The following NRP2 variants were observed in gnomAD, a reference collection of about 807,000 sequenced individuals.
NRP2 encodes neuropilin 2.
A neutral mutation model predicts 110.4 loss-of-function variants in NRP2; 52 were observed. The ratio of observed to expected loss-of-function variants is 0.47; its 90% CI spans 0.38 to 0.59. The LOEUF (loss-of-function observed/expected upper bound fraction) is 0.59, where lower values mean the gene tolerates loss of function less well. NRP2 is among the 20% of genes least tolerant of loss of function. The probability of loss-of-function intolerance (pLI) is 0.00; values close to 1 mark genes in which losing one functional copy is unlikely to be tolerated. For synonymous variants in NRP2, 508 were observed against 468.9 expected (o/e 1.08, Z -1.08); for missense variants, 1,049 against 1,203.0 (o/e 0.87, Z 1.89).
At chr2:205,711,911 T>A (rs2056806244) in intron 2 of NRP2, among the ~76,000 whole-genome samples, 1 of 152,152 alleles carries the variant, frequency 6.6e-6, no homozygotes, top group Non-Finnish European at 1.5e-5. Context: ...CTGGGAAGTG[T>A]CAAGCGTGGA....
chr2:205,767,592 G>T, intron 15 of NRP2: 1 of 307,906 alleles, frequency 3.2e-6, no homozygotes, highest in Non-Finnish European at 6.4e-6. Context: ...AAAAAAAAAA[G>T]GCCTCCAGCC....
At chr2:205,783,055 C>T (rs954860114) in intron 15 of NRP2, among the ~76,000 whole-genome samples, 2 of 152,120 alleles carry the variant, frequency 1.3e-5, no homozygotes, top group East Asian at 1.9e-4. Flanking sequence ...AACTAGTGGA[C>T]GTCCTGGCTG....
chr2:205,759,745 TC>T (rs2057791786), intron 12 of NRP2: 1 of 152,202 alleles, frequency 6.6e-6, no homozygotes, highest in East Asian at 1.9e-4. Context: ...GGTCTTTCTA[TC>T]CTTTTTGTTT....
chr2:205,725,939 A>G lies in NRP2; in HGVS notation c.847A>G (p.Met283Val), dbSNP rs778153724. 3.7e-6 allele frequency: 6 copies of G among 1,614,188 alleles called. No homozygotes were observed. The East Asian group carries it at 8.9e-5, about 24-fold the overall frequency. The change falls in exon 6 of 17, where the codon ATG (methionine) becomes GTG (valine). Residue 283 changes from methionine (M) to valine (V), a missense_variant. Coordinates refer to ENST00000357785, the MANE Select transcript of NRP2 (RefSeq NM_003872.3). The surrounding 1 kb of genome is among the most constrained non-coding windows in gnomAD (Gnocchi z 4.1). The part of the protein sequence containing the change: ...ENFQCNVPLG[M>V]ESGRIANEQI... The stretch of plus-strand genomic sequence containing the variant: ...CTTTCAGTGCAATGTTCCTCTGGGC[A>G]TGGAGTCTGGCCGGATTGCTAATGA...
intron 10 of NRP2, among the ~76,000 whole-genome samples, chr2:205,749,287 T>C (rs1270525705): frequency 6.6e-6 from 1 of 152,222 alleles, no homozygotes; most frequent in African/African-American, 2.4e-5. Context: ...TGCCACACCC[T>C]GACCTAAAGA....
Position 205,733,384 on chromosome 2 carries a change from G to A in NRP2, c.1146+5338G>A, listed in dbSNP as rs533198978. Among the ~76,000 whole-genome samples the A allele has an allele frequency of 6.6e-5, 10 of 152,282 alleles. No homozygotes were observed. In the South Asian group the frequency reaches 1.2e-3, roughly 19 times the overall value. ...GCACACAGAGGGGATGTGGAAGGGCGCTGTGATTCTGCTTGGGCTGTGGAA... is the reference window on the plus strand; with the variant it reads ...GCACACAGAGGGGATGTGGAAGGGCACTGTGATTCTGCTTGGGCTGTGGAA... On this transcript the variant is annotated intron_variant, in intron 7 of 16. Coordinates refer to ENST00000357785, the MANE Select transcript of NRP2 (RefSeq NM_003872.3).
At chr2:205,741,335 G>T (rs904736760) in intron 8 of NRP2, among the ~76,000 whole-genome samples, 2 of 152,216 alleles carry the variant, frequency 1.3e-5, no homozygotes, top group African/African-American at 2.4e-5. Flanking sequence ...GATGATTGAG[G>T]TGAGGTTAGA....
chr2:205,747,178 T>A (rs1433383527), intron 10 of NRP2, among the ~76,000 whole-genome samples: 1 of 152,166 alleles, frequency 6.6e-6, no homozygotes. Flanking sequence ...CAATTTAAAA[T>A]AATTTTCCTT....
chr2:205,716,457 G>C (rs2056898082), intron 3 of NRP2, 83 bp downstream of exon 3: 1 of 1,432,930 alleles, frequency 7.0e-7, no homozygotes, highest in African/African-American at 1.4e-5. Context: ...TGAGGCACTG[G>C]GTAAGGGTGA....
rs182060947 is a variant in NRP2 at position 205,743,433 on chromosome 2, G to A, written c.1522G>A (p.Gly508Arg). 298 of 1,614,220 alleles carry A rather than the reference G, an allele frequency of 1.8e-4. 2 individuals carry two copies. Among genetic ancestry groups the A allele is most frequent in the South Asian group, 1.7e-3 (154 of 91,072 alleles). Residue 508 changes from glycine to arginine, a missense_variant, in exon 9 of 17, where the codon GGA (glycine) becomes AGA (arginine). By Grantham distance (125) the Gly-to-Arg change is moderately radical. Transcript: ENST00000357785. ...AGGTGTCATCATCCAGGGAGCCCGC[G>A]GAGGAGACAGTATCACTGCTGTGGA... ...VKGVIIQGAR[G>R]GDSITAVEAR... is the part of the protein sequence containing the mutation.
In NRP2 at chr2:205,725,539, T is replaced by C. The variant is rs1003663575; in HGVS notation, c.821-374T>C. Among the ~76,000 whole-genome samples, 1 of 152,230 alleles carries C rather than the reference T, an allele frequency of 6.6e-6. No homozygotes were observed. The highest frequency in any genetic ancestry group is 1.5e-5 in the Non-Finnish European group (1 of 68,044). On this transcript the variant is annotated intron_variant, in intron 5 of 16. Transcript: ENST00000357785. This position sits in a 1 kb window ranked among gnomAD's most constrained non-coding sequence, Gnocchi z 4.1. ...TATTAATAAAGCAGGCTTCCCACGA[T>C]GTATGAGCTCACCCAAATCGCCACG...
chr2:205,732,230 A>G (rs2057253933), intron 7 of NRP2, among the ~76,000 whole-genome samples: 1 of 152,226 alleles, frequency 6.6e-6, no homozygotes, highest in Non-Finnish European at 1.5e-5. Context: ...TCACCACAGA[A>G]TCATGAGGAT....
At chr2:205,716,454 C>G in intron 3 of NRP2, 80 bp downstream of exon 3, 2 of 1,464,344 alleles carry the variant, frequency 1.4e-6, no homozygotes, top group Non-Finnish European at 1.9e-6. Context: ...GGCTGAGGCA[C>G]TGGGTAAGGG....
At chr2:205,728,360 T>C (rs1043267058) in intron 7 of NRP2, among the ~76,000 whole-genome samples, 7 of 152,188 alleles carry the variant, frequency 4.6e-5, no homozygotes, top group Admixed American at 3.3e-4. Flanking sequence ...CAGGATTCAC[T>C]GAACATTTAT....
At chr2:205,743,598 G>T (rs1173883095) in intron 9 of NRP2, 46 bp downstream of exon 9, 3 of 1,604,410 alleles carry the variant, frequency 1.9e-6, no homozygotes, top group Non-Finnish European at 2.6e-6. Context: ...TCAACAGGGA[G>T]GCTAAGTGTG....
intron 2 of NRP2, among the ~76,000 whole-genome samples, chr2:205,710,404 G>C (rs2056772879): frequency 6.6e-6 from 1 of 152,184 alleles, no homozygotes; most frequent in Non-Finnish European, 1.5e-5. Flanking sequence ...GATGAAATGA[G>C]GATTAAATGA....
At position 205,749,757 on chromosome 2, in the gene NRP2, A is replaced by G. The variant is rs2057608063; in HGVS notation, c.1819A>G (p.Thr607Ala). The G allele has an allele frequency of 6.2e-7, 1 of 1,614,050 alleles. No homozygotes were observed. The highest frequency in any genetic ancestry group is 1.7e-5 in the Admixed American group (1 of 60,006). Residue 607 changes from threonine (T) to alanine (A), a missense_variant, in exon 11 of 17, where the codon ACT (threonine) becomes GCT (alanine). By Grantham distance (58) the Thr-to-Ala change is moderately conservative. Coordinates refer to ENST00000357785, the MANE Select transcript of NRP2 (RefSeq NM_003872.3). ...GCCCACGGTAGAGACGCTGGGACCCACTGTGAAGAGCGAAGAGACAACCAC... is the reference window on the plus strand; with the variant it reads ...GCCCACGGTAGAGACGCTGGGACCCGCTGTGAAGAGCGAAGAGACAACCAC... ...SKPTVETLGP[T>A]VKSEETTTPY...
chr2:205,727,826 A>G, intron 6 of NRP2, 65 bp from the exon 7 acceptor site: 1 of 1,509,692 alleles, frequency 6.6e-7, no homozygotes, highest in Non-Finnish European at 8.9e-7. Context: ...TGTCCTTTGG[A>G]AAAAAACAAG....
intron 2 of NRP2, among the ~76,000 whole-genome samples, chr2:205,702,186 A>T (rs772260232): frequency 6.6e-6 from 1 of 152,122 alleles, no homozygotes; most frequent in Non-Finnish European, 1.5e-5. Context: ...CTGCTTTCAC[A>T]CATCCTGTTA....
Sources: gnomAD v4.1 joint callset for allele counts (sites outside exome capture counted in the v4.1 genomes callset) on GRCh38, gnomAD v4.1.1 for gene constraint, Gnocchi (gnomAD v3.1) non-coding constraint, MANE v1.5 for transcripts, NCBI Gene and HGNC (gene_info 2026-07-23, HGNC 2026-07-21) for gene names.